FSTL5: variants seen among roughly 807,000 people sequenced by gnomAD.
FSTL5 encodes follistatin-related protein 5.
A neutral mutation model predicts 89.1 loss-of-function variants in FSTL5; 62 were observed. That is an observed-to-expected ratio of 0.70 (90% CI 0.57 to 0.86). The LOEUF (loss-of-function observed/expected upper bound fraction) is 0.86. Among genes scored for constraint, FSTL5 ranks in the 40% least tolerant of loss-of-function variants. FSTL5 has a pLI of 0.00. For missense variants in FSTL5, 1,057 were observed against 1,001.6 expected (o/e 1.06, Z -0.75); for synonymous variants, 383 against 346.2 (o/e 1.11, Z -1.18).
intron 12 of FSTL5, among the ~76,000 whole-genome samples, chr4:161,490,770 T>C (rs1729843597): frequency 6.6e-6 from 1 of 152,152 alleles, no homozygotes; most frequent in Non-Finnish European, 1.5e-5. Context: ...ATTACTGTAA[T>C]TCACACATAA....
intron 4 of FSTL5, among the ~76,000 whole-genome samples, chr4:161,790,370 G>T (rs1260162390): frequency 6.6e-6 from 1 of 152,160 alleles, no homozygotes; most frequent in Non-Finnish European, 1.5e-5. Flanking sequence ...AGAAAGCATT[G>T]CTACCCTCCA....
At chr4:162,069,252 T>A (rs1368056718) in intron 2 of FSTL5, among the ~76,000 whole-genome samples, 1 of 152,064 alleles carries the variant, frequency 6.6e-6, no homozygotes, top group Non-Finnish European at 1.5e-5. Context: ...TCCTTTTAAT[T>A]ATTTTTAAAT....
intron 1 of FSTL5, among the ~76,000 whole-genome samples, chr4:162,113,146 C>A (rs1731512554): frequency 3.3e-5 from 5 of 152,150 alleles, no homozygotes; most frequent in Admixed American, 3.3e-4. Context: ...ATTGGTATAT[C>A]TTGCTTACTT....
At chr4:161,912,984 A>G (rs1433527580) in intron 4 of FSTL5, among the ~76,000 whole-genome samples, 2 of 152,152 alleles carry the variant, frequency 1.3e-5, no homozygotes, top group Non-Finnish European at 2.9e-5. Context: ...AAATTTGTGG[A>G]ACTCTGAACT....
intron 6 of FSTL5, among the ~76,000 whole-genome samples, chr4:161,662,373 A>C (rs2126688457): frequency 6.6e-6 from 1 of 152,312 alleles, no homozygotes; most frequent in South Asian, 2.1e-4. Context: ...ATAAGATTGT[A>C]AGATGTATTA....
intron 1 of FSTL5, among the ~76,000 whole-genome samples, chr4:162,150,204 C>T (rs957511095): frequency 6.6e-6 from 1 of 152,120 alleles, no homozygotes; most frequent in Non-Finnish European, 1.5e-5. Context: ...TAAAGGAAGA[C>T]TTTCGACATG....
chr4:161,674,905 CG>C (rs1737249494), intron 6 of FSTL5, among the ~76,000 whole-genome samples: 2 of 152,168 alleles, frequency 1.3e-5, no homozygotes, highest in Admixed American at 1.3e-4. Context: ...TGCCACACTT[CG>C]GGGGCTCCAC....
intron 15 of FSTL5, among the ~76,000 whole-genome samples, chr4:161,399,554 AC>A (rs1038440963): frequency 1.3e-5 from 2 of 151,366 alleles, no homozygotes; most frequent in Non-Finnish European, 2.9e-5. Flanking sequence ...TATCGAGCCA[AC>A]CAACTTTTTT....
chr4:161,936,966 AC>A (rs1734450992), intron 3 of FSTL5, among the ~76,000 whole-genome samples: 1 of 151,990 alleles, frequency 6.6e-6, no homozygotes, highest in Admixed American at 6.6e-5. Flanking sequence ...TGGTTGAAAA[AC>A]CTTACTCAGT....
intron 7 of FSTL5, among the ~76,000 whole-genome samples, chr4:161,654,513 A>G (rs1736450102): frequency 6.6e-6 from 1 of 152,156 alleles, no homozygotes; most frequent in Non-Finnish European, 1.5e-5. Context: ...ATTAAGCATT[A>G]TTCTCCAGAT....
intron 4 of FSTL5, among the ~76,000 whole-genome samples, chr4:161,829,733 T>G (rs1730784423): frequency 6.6e-6 from 1 of 152,206 alleles, no homozygotes; most frequent in African/African-American, 2.4e-5. Context: ...TTCTAAATGG[T>G]AAAGTAAATG....
chr4:161,931,266 A>C (rs1436595492), intron 3 of FSTL5, among the ~76,000 whole-genome samples: 1 of 151,876 alleles, frequency 6.6e-6, no homozygotes, highest in Non-Finnish European at 1.5e-5. Flanking sequence ...AATAGCTTTA[A>C]GGAGTCTGTG....
intron 15 of FSTL5, among the ~76,000 whole-genome samples, chr4:161,435,284 C>T (rs1381124766): frequency 6.6e-6 from 1 of 151,994 alleles, no homozygotes; most frequent in South Asian, 2.1e-4. Flanking sequence ...ATGGATGTAA[C>T]TGGAGGTCAT....
chr4:161,491,219 T>A (rs1729863989), intron 12 of FSTL5, among the ~76,000 whole-genome samples: 1 of 152,046 alleles, frequency 6.6e-6, no homozygotes, highest in Admixed American at 6.6e-5. Context: ...AGCCGGTGAT[T>A]TAGTTCAAGG....
chr4:162,004,954 C>T (rs1022364000), intron 3 of FSTL5, among the ~76,000 whole-genome samples: 1 of 152,098 alleles, frequency 6.6e-6, no homozygotes. Flanking sequence ...TTTCAAACCA[C>T]GCTTCACACT....
At chr4:161,623,842 C>G (rs1235739413) in intron 7 of FSTL5, among the ~76,000 whole-genome samples, 5 of 151,906 alleles carry the variant, frequency 3.3e-5, no homozygotes, top group African/African-American at 1.2e-4. Flanking sequence ...ATTTTTTATT[C>G]AAAATGTTTT....
intron 4 of FSTL5, among the ~76,000 whole-genome samples, chr4:161,888,570 G>C (rs891560121): frequency 1.3e-5 from 2 of 152,064 alleles, no homozygotes; most frequent in Admixed American, 6.6e-5. Context: ...TTTCAGGAGA[G>C]GGTTTTATCA....
chr4:161,722,388 G>T (rs1319774526), intron 6 of FSTL5, among the ~76,000 whole-genome samples: 1 of 152,104 alleles, frequency 6.6e-6, no homozygotes, highest in African/African-American at 2.4e-5. Flanking sequence ...AGTCTTTTCA[G>T]AATGATTATA....
At chr4:162,143,991 T>C (rs17042064) in intron 1 of FSTL5, among the ~76,000 whole-genome samples, 35,325 of 152,056 alleles carry the variant, frequency 0.23, 4,291 homozygotes, top group Non-Finnish European at 0.26. Flanking sequence ...AAGCTCAAGA[T>C]ATTGAACCTC....
Sources: gnomAD v4.1 joint callset for allele counts (sites outside exome capture counted in the v4.1 genomes callset) on GRCh38, gnomAD v4.1.1 for gene constraint, MANE v1.5 for transcripts, NCBI Gene and HGNC (gene_info 2026-07-23, HGNC 2026-07-21) for gene names.